The following B4GALT5 variants were observed in gnomAD, a reference collection of about 807,000 sequenced individuals.
The protein encoded by B4GALT5 is beta-1,4-galactosyltransferase 5.
B4GALT5 carries 11 observed loss-of-function variants against 45.0 expected under a neutral mutation model. The ratio of observed to expected loss-of-function variants is 0.24; its 90% CI spans 0.15 to 0.40. B4GALT5 has a LOEUF of 0.40. Among genes scored for constraint, B4GALT5 ranks in the 10% least tolerant of loss-of-function variants. The pLI, the probability that B4GALT5 is intolerant of heterozygous loss-of-function variation, is 1.00. For missense variants in B4GALT5, 337 were observed against 500.2 expected (o/e 0.67, Z 3.11); for synonymous variants, 185 against 182.9 (o/e 1.01, Z -0.09).
chr20:49,683,385 A>ATTTTTTTTTTTTTTTTTTTTTTTTTTTTT (rs66503719), intron 1 of B4GALT5, among the ~76,000 whole-genome samples: 1 of 96,630 alleles, frequency 1.0e-5, no homozygotes, highest in Non-Finnish European at 2.0e-5. Context: ...ACAGGTTTAA[A>ATTTTTTTTTTTTTTTTTTTTTTTTTTTTT]TTTTTTTTTT....
chr20:49,709,468 T>A (rs2085898443), intron 1 of B4GALT5, among the ~76,000 whole-genome samples: 1 of 152,092 alleles, frequency 6.6e-6, no homozygotes, highest in East Asian at 1.9e-4. Flanking sequence ...CTTCCAAAAT[T>A]AACAATACAA....
At chr20:49,676,181 T>C (rs1468385695) in intron 1 of B4GALT5, among the ~76,000 whole-genome samples, 2 of 151,882 alleles carry the variant, frequency 1.3e-5, no homozygotes, top group African/African-American at 2.4e-5. Flanking sequence ...ACATAATACA[T>C]ATATATGTAG....
At chr20:49,708,066 T>C (rs1420997705) in intron 1 of B4GALT5, among the ~76,000 whole-genome samples, 1 of 133,614 alleles carries the variant, frequency 7.5e-6, no homozygotes, top group Non-Finnish European at 1.6e-5. Context: ...AAACCCCGTC[T>C]CTACTAAAAA....
Position 49,647,035 on chromosome 20 carries a change from A to C in B4GALT5, c.294T>G (p.Thr98=). Residue 98 remains threonine, a synonymous_variant, in exon 3 of 9, where the codon ACT becomes ACG. Transcript: ENST00000371711. Reference sequence around the variant, plus strand: ...TGAAGTCTTCAGGAAGAAATGTTGTAGTTTGCAGGAAGGTTTCACTGTGGT... The same window carrying C: ...TGAAGTCTTCAGGAAGAAATGTTGTCGTTTGCAGGAAGGTTTCACTGTGGT... ...DLNHSETFLQ[T]TTFLPEDFTY... 6.2e-7 allele frequency: 1 copy of C among 1,613,990 alleles called. No individual in the cohort carries two copies. Among genetic ancestry groups the C allele is most frequent in the Non-Finnish European group, 8.5e-7 (1 of 1,179,934 alleles).
At chr20:49,640,189 T>C (rs1047337876) in intron 6 of B4GALT5, among the ~76,000 whole-genome samples, 3 of 152,250 alleles carry the variant, frequency 2.0e-5, no homozygotes, top group Non-Finnish European at 4.4e-5. Flanking sequence ...TCTGTCACTA[T>C]AGATTTGCTT....
In B4GALT5 at chr20:49,643,748, C is replaced by G. The variant is rs920282049; in HGVS notation, c.365-98G>C. 3.1e-5 allele frequency: 43 copies of G among 1,372,938 alleles called. No homozygotes were observed. In the Admixed American group the frequency reaches 9.3e-4, roughly 30 times the overall value. 85.0% of individuals were successfully genotyped at this position (1,372,938 alleles called of 1,614,324 possible). A position where few individuals can be genotyped will look rare whatever the true frequency, so the allele number is the denominator to read the frequency against. ...TCTGGAGAGCGCAATGCTTTTTCAG[C>G]TGAATTTGTTTTTAGCAAGGATGGA... On this transcript the variant is annotated intron_variant, in intron 3 of 8. Coordinates refer to ENST00000371711, the MANE Select transcript of B4GALT5 (RefSeq NM_004776.4).
Position 49,633,511 on chromosome 20 carries a change from C to T in B4GALT5, c.*2801G>A, listed in dbSNP as rs1984430709. On this transcript the variant is annotated 3_prime_UTR_variant, in exon 9 of 9. Coordinates refer to ENST00000371711, the MANE Select transcript of B4GALT5 (RefSeq NM_004776.4). ...CCTGGCTGTACGTTTTTAACTATGA[C>T]ATTTCCCATATGATATTCGAGGCCT... is the stretch of plus-strand genomic sequence containing the variant. 6.6e-6 allele frequency: 1 copy of T among 151,112 alleles called. No individual in the cohort carries two copies. Among genetic ancestry groups the T allele is most frequent in the African/African-American group, 2.4e-5 (1 of 40,924 alleles). The allele number at this position is 151,112 out of a possible 1,614,324, so 9.4% of individuals were successfully genotyped here.
intron 1 of B4GALT5, among the ~76,000 whole-genome samples, chr20:49,687,576 G>A (rs1055056916): frequency 3.1e-4 from 47 of 151,966 alleles, no homozygotes; most frequent in Admixed American, 2.9e-3. Flanking sequence ...CTCGGGAGGC[G>A]GAGGTTGCAG....
At chr20:49,694,593 C>T (rs1304367428) in intron 1 of B4GALT5, among the ~76,000 whole-genome samples, 2 of 151,016 alleles carry the variant, frequency 1.3e-5, no homozygotes, top group Admixed American at 6.6e-5. Context: ...GGTGTGATCA[C>T]ACCACTGCAC....
intron 1 of B4GALT5, among the ~76,000 whole-genome samples, chr20:49,675,778 G>A (rs1373771970): frequency 6.6e-6 from 1 of 152,104 alleles, no homozygotes; most frequent in Non-Finnish European, 1.5e-5. Flanking sequence ...ATCAGCAACT[G>A]GCTAATATTT....
chr20:49,680,708 C>G (rs186312133), intron 1 of B4GALT5, among the ~76,000 whole-genome samples: 1 of 151,784 alleles, frequency 6.6e-6, no homozygotes, highest in African/African-American at 2.4e-5. Flanking sequence ...GTTCTGGAAA[C>G]GAATAGTAGT....
intron 7 of B4GALT5, among the ~76,000 whole-genome samples, chr20:49,638,178 C>T (rs1355760058): frequency 6.6e-6 from 1 of 152,024 alleles, no homozygotes; most frequent in African/African-American, 2.4e-5. Flanking sequence ...GCCACCACAA[C>T]AGGCTAATTT....
At chr20:49,656,493 A>G (rs1210942740) in intron 2 of B4GALT5, 75 bp downstream of exon 2, 13 of 1,571,354 alleles carry the variant, frequency 8.3e-6, no homozygotes, top group South Asian at 1.1e-5. Context: ...CCCATTGAAA[A>G]TAATTATTGC....
At chr20:49,649,814 G>A (rs527795544) in intron 2 of B4GALT5, among the ~76,000 whole-genome samples, 2 of 152,274 alleles carry the variant, frequency 1.3e-5, no homozygotes, top group South Asian at 4.1e-4. Context: ...GACCTCACAA[G>A]TAATAGAAAA....
intron 1 of B4GALT5, among the ~76,000 whole-genome samples, chr20:49,708,159 C>A (rs1255297834): frequency 6.6e-6 from 1 of 151,644 alleles, no homozygotes; most frequent in East Asian, 1.9e-4. Flanking sequence ...GCAGGAGGAT[C>A]ACTTGAACCC....
At chr20:49,691,645 T>C (rs1437145478) in intron 1 of B4GALT5, among the ~76,000 whole-genome samples, 1 of 152,192 alleles carries the variant, frequency 6.6e-6, no homozygotes, top group Non-Finnish European at 1.5e-5. Context: ...CATTTTTAGT[T>C]AGTATATAAA....
chr20:49,703,731 A>AAAAAAATAATAAT (rs749358266), intron 1 of B4GALT5, among the ~76,000 whole-genome samples: 6 of 26,662 alleles, frequency 2.3e-4, no homozygotes, highest in Non-Finnish European at 1.9e-4. Flanking sequence ...TCTACTAAAA[A>AAAAAAATAATAAT]AAAAAAAAAT....
At chr20:49,704,931 C>A (rs1296655404) in intron 1 of B4GALT5, among the ~76,000 whole-genome samples, 1 of 151,896 alleles carries the variant, frequency 6.6e-6, no homozygotes, top group African/African-American at 2.4e-5. Context: ...CTGGGTAGCT[C>A]CGTCACCTGC....
At chr20:49,693,972 A>C (rs1176600041) in intron 1 of B4GALT5, among the ~76,000 whole-genome samples, 1 of 152,220 alleles carries the variant, frequency 6.6e-6, no homozygotes, top group Non-Finnish European at 1.5e-5. Flanking sequence ...GATAACTCAA[A>C]GTGACAGGAT....
Sources: gnomAD v4.1 joint callset for allele counts (sites outside exome capture counted in the v4.1 genomes callset) on GRCh38, gnomAD v4.1.1 for gene constraint, MANE v1.5 for transcripts, NCBI Gene and HGNC (gene_info 2026-07-23, HGNC 2026-07-21) for gene names.